Variants in NOTCH1 observed in about 807,000 individuals in gnomAD.
The protein encoded by NOTCH1 is notch receptor 1, also known as neurogenic locus notch homolog protein 1.
Under a neutral mutation model 254.8 loss-of-function variants are expected in NOTCH1, and 37 were observed. That is an observed-to-expected ratio of 0.15 (90% CI 0.11 to 0.19). NOTCH1 has a LOEUF of 0.19. NOTCH1 is among the 10% of genes least tolerant of loss of function. The pLI is 1.00. For synonymous variants in NOTCH1, 1,731 were observed against 1,618.1 expected (o/e 1.07, Z -1.68); for missense variants, 2,972 against 3,708.6 (o/e 0.80, Z 5.16).
At position 136,544,062 on chromosome 9, in the gene NOTCH1, G is replaced by C. The variant is rs777575093; in HGVS notation, c.102C>G (p.Gly34=). The C allele has an allele frequency of 1.3e-6, 2 of 1,581,172 alleles. No homozygotes were observed. Among genetic ancestry groups the C allele is most frequent in the African/African-American group, 1.3e-5 (1 of 74,268 alleles). ...CSQPGETCLN[G]GKCEAANGTE... is the part of the protein sequence containing the mutation. The stretch of plus-strand genomic sequence containing the variant: ...TGCCATTGGCCGCTTCACACTTCCC[G>C]CCATTCAGGCAGGTCTCACCGGGCT... The change falls in exon 2 of 34, where the codon GGC becomes GGG. Residue 34 remains glycine (G), a synonymous_variant. Transcript: ENST00000651671.
chr9:136,501,807 G>A lies in NOTCH1; in HGVS notation c.5579C>T (p.Pro1860Leu), dbSNP rs1179938217. The change falls in exon 30 of 34, where the codon CCC (proline) becomes CTC (leucine). Residue 1860 changes from proline (P) to leucine (L), a missense_variant. Pro to Leu is a moderately conservative substitution (Grantham distance 98). Around this residue, in one of 8 missense-constraint regions of NOTCH1, gnomAD observed 421 missense variants for 604.4 expected, o/e 0.70. Coordinates refer to ENST00000651671, the MANE Select transcript of NOTCH1 (RefSeq NM_017617.5). ...GTCAACCTCACCCTGGGGCGGTGTG[G>A]GGGCCATGGCAGACATGCGCAGGTC... ...AADLRMSAMA[P>L]TPPQGEVDAD... The A allele has an allele frequency of 1.2e-6, 2 of 1,612,670 alleles. No individual in the cohort carries two copies. Among genetic ancestry groups the A allele is most frequent in the African/African-American group, 2.7e-5 (2 of 74,938 alleles).
intron 9 of NOTCH1, among the ~76,000 whole-genome samples, chr9:136,516,544 C>A (rs1319186091): frequency 6.6e-6 from 1 of 152,250 alleles, no homozygotes; most frequent in Non-Finnish European, 1.5e-5. Flanking sequence ...GCCATCATCT[C>A]CATTGCAGGC....
chr9:136,509,425 G>A lies in NOTCH1; in HGVS notation c.2969+308C>T, dbSNP rs74500209. Among the ~76,000 whole-genome samples the A allele has an allele frequency of 0.015, 2,232 of 152,328 alleles. 40 individuals are homozygous for A. Among genetic ancestry groups the A allele is most frequent in the Middle Eastern group, 0.054 (16 of 294 alleles). On this transcript the variant is annotated intron_variant, in intron 18 of 33. Transcript: ENST00000651671. ...GGGACGAGACTGACGTTTACCAAAT[G>A]AGCTTCCTGGCAAACACGGCAAAAA...
At chr9:136,512,385 G>A (rs982758214) in intron 15 of NOTCH1, among the ~76,000 whole-genome samples, 1 of 152,216 alleles carries the variant, frequency 6.6e-6, no homozygotes, top group African/African-American at 2.4e-5. Context: ...CTCCTGGGGA[G>A]CGCCAGGACC....
chr9:136,513,348 C>T lies in NOTCH1; in HGVS notation c.2353+44G>A. 6.2e-7 allele frequency: 1 copy of T among 1,611,626 alleles called. No individual in the cohort carries two copies. The highest frequency in any genetic ancestry group is 8.5e-7 in the Non-Finnish European group (1 of 1,179,834). ...GATCCTGTGTCTCCAGCTCCCCAGACTCGAGGGCGGCCCTCTGCACTGAGA... is the reference window on the plus strand; with the variant it reads ...GATCCTGTGTCTCCAGCTCCCCAGATTCGAGGGCGGCCCTCTGCACTGAGA... On this transcript the variant is annotated intron_variant, in intron 14 of 33. Coordinates refer to ENST00000651671, the MANE Select transcript of NOTCH1 (RefSeq NM_017617.5). This position sits in a 1 kb window ranked among gnomAD's most constrained non-coding sequence, Gnocchi z 4.7.
Position 136,501,865 on chromosome 9 carries a change from G to A in NOTCH1, c.5521C>T (p.Arg1841Trp), listed in dbSNP as rs2133329067. ...TCCAGGTGCTGCTGAGTCCACTGCC[G>A]GTGGTCTGTCTGGTCGTCCAGGTCA... ...LPDLDDQTDH[R>W]QWTQQHLDAA... Residue 1841 changes from arginine to tryptophan, a missense_variant, in exon 30 of 34, where the codon CGG becomes TGG. This residue lies in a region of NOTCH1 where 421 missense variants were observed against 604.4 expected (regional missense o/e 0.70). Transcript: ENST00000651671. The A allele has an allele frequency of 1.9e-6, 3 of 1,612,506 alleles. No homozygotes were observed. The highest frequency in any genetic ancestry group is 2.5e-6 in the Non-Finnish European group (3 of 1,179,972).
In NOTCH1 at chr9:136,508,934, C is replaced by T; in HGVS notation, c.3107G>A (p.Cys1036Tyr). The T allele has an allele frequency of 6.5e-7, 1 of 1,550,000 alleles. No individual in the cohort carries two copies. The highest frequency in any genetic ancestry group is 8.7e-7 in the Non-Finnish European group (1 of 1,147,464). The part of the protein sequence containing the change: ...DSQPCLHGGT[C>Y]QDGCGSYRCT... ...CCTGTAGGAGCCGCAGCCGTCCTGA[C>T]AGGTGCCGCCATGCAGGCAGGGCTG... Residue 1036 changes from cysteine (C) to tyrosine (Y), a missense_variant, in exon 19 of 34, where the codon TGT (cysteine) becomes TAT (tyrosine). Physicochemically the swap from Cys to Tyr is radical, Grantham distance 194. Transcript: ENST00000651671.
In NOTCH1 at chr9:136,495,547, G is replaced by C. The variant is rs1276010331; in HGVS notation, c.*524C>G. 5.0e-6 allele frequency: 2 copies of C among 399,796 alleles called. No homozygotes were observed. The highest frequency in any genetic ancestry group is 8.8e-6 in the Non-Finnish European group (2 of 226,892). 24.8% of individuals were successfully genotyped at this position (399,796 alleles called of 1,614,324 possible). On this transcript the variant is annotated 3_prime_UTR_variant, in exon 34 of 34. Transcript: ENST00000651671. ...TTGCCTCCGTTTGCCTCTGGATGCA[G>C]CTTCTCCTAACAGGCAGGTGATGCT...
chr9:136,534,138 A>C (rs1589078831), intron 2 of NOTCH1, among the ~76,000 whole-genome samples: 2 of 151,740 alleles, frequency 1.3e-5, no homozygotes, highest in Admixed American at 1.3e-4. Context: ...CACTTCTCAA[A>C]CCCGGTGCAT....
At chr9:136,534,276 C>T (rs904208226) in intron 2 of NOTCH1, among the ~76,000 whole-genome samples, 1 of 152,204 alleles carries the variant, frequency 6.6e-6, no homozygotes, top group South Asian at 2.1e-4. Flanking sequence ...AGCAAATTGA[C>T]AGTGTCAACA....
rs1295008635 is a variant in NOTCH1, at chr9:136,540,818, C to T, written c.140+3206G>A. ...TTCTCCCAGCTCCTGGAAGACGCCCCGTGCCATTCTGACTCTGCCGTCAGC... is the reference window on the plus strand; with the variant it reads ...TTCTCCCAGCTCCTGGAAGACGCCCTGTGCCATTCTGACTCTGCCGTCAGC... On this transcript the variant is annotated intron_variant, in intron 2 of 33. Coordinates refer to ENST00000651671, the MANE Select transcript of NOTCH1 (RefSeq NM_017617.5). The surrounding 1 kb of genome is among the most constrained non-coding windows in gnomAD (Gnocchi z 4.4). Among the ~76,000 whole-genome samples, 1 of 152,136 alleles carries T rather than the reference C, an allele frequency of 6.6e-6. No homozygotes were observed. Among genetic ancestry groups the T allele is most frequent in the African/African-American group, 2.4e-5 (1 of 41,416 alleles).
At chr9:136,519,660 C>T (rs1481649642) in intron 4 of NOTCH1, 95 bp from the exon 5 acceptor site, 1 of 1,590,914 alleles carries the variant, frequency 6.3e-7, no homozygotes, top group Non-Finnish European at 8.6e-7. Flanking sequence ...AAGAGCCTGG[C>T]CTCCACGGCC....
Position 136,504,864 on chromosome 9 carries a change from G to A in NOTCH1, c.4827C>T (p.Asp1609=), listed in dbSNP as rs113634293. 791 of 1,583,036 alleles carry A rather than the reference G, an allele frequency of 5.0e-4. 5 individuals carry two copies. The African/African-American group carries it at 9.0e-3, about 18-fold the overall frequency. The change falls in exon 26 of 34, where the codon GAC becomes GAT. Residue 1609 remains aspartate, a synonymous_variant. Coordinates refer to ENST00000651671, the MANE Select transcript of NOTCH1 (RefSeq NM_017617.5). ...GGAAGATCATCTGCTGGCCGTGTGC[G>A]TCACGCTTGAAGACCACGTTGGTGT... ...VLHTNVVFKR[D]AHGQQMIFPY... is the part of the protein sequence containing the mutation.
chr9:136,534,304 T>C (rs570569224), intron 2 of NOTCH1, among the ~76,000 whole-genome samples: 2 of 152,264 alleles, frequency 1.3e-5, no homozygotes, highest in South Asian at 4.1e-4. Flanking sequence ...AAGGGGGCAT[T>C]TACCCAGCTT....
Position 136,496,936 on chromosome 9 carries a change from G to A in NOTCH1, c.6803C>T (p.Thr2268Ile). 6.2e-7 allele frequency: 1 copy of A among 1,612,104 alleles called. No individual in the cohort carries two copies. Among genetic ancestry groups the A allele is most frequent in the African/African-American group, 1.3e-5 (1 of 75,048 alleles). Residue 2268 changes from threonine to isoleucine, a missense_variant, in exon 34 of 34, where the codon ACT becomes ATT. By Grantham distance (89) the Thr-to-Ile change is moderately conservative. Transcript: ENST00000651671. Reference sequence around the variant, plus strand: ...CAGGTGGGAGAGACGAGGTGGGCCAGTCTCAAAGGCCAGCCGGCCGCCCCC... The same window carrying A: ...CAGGTGGGAGAGACGAGGTGGGCCAATCTCAAAGGCCAGCCGGCCGCCCCC... ...LGGGGRLAFE[T>I]GPPRLSHLPV...
chr9:136,519,642 C>A (rs373596218), intron 4 of NOTCH1, 77 bp from the exon 5 acceptor site: 22 of 1,607,134 alleles, frequency 1.4e-5, no homozygotes, highest in East Asian at 8.9e-5. Context: ...ACACACTGCT[C>A]TGGACACAAG....
intron 2 of NOTCH1, 47 bp downstream of exon 2, chr9:136,543,977 G>A: frequency 6.6e-7 from 1 of 1,508,030 alleles, no homozygotes; most frequent in Non-Finnish European, 9.0e-7. Flanking sequence ...AGAAGGCAGG[G>A]GCTCTGCCCT....
rs2133354432 is a variant in NOTCH1, at chr9:136,511,161, C to T, written c.2578G>A (p.Gly860Ser). The T allele has an allele frequency of 6.2e-7, 1 of 1,612,946 alleles. No individual in the cohort carries two copies. Among genetic ancestry groups the T allele is most frequent in the South Asian group, 1.1e-5 (1 of 91,088 alleles). ...CCCTGGCCAGCCTCACCTTGCCAGCCCGTGGGGCAGACACAGGAGAAGCTC... is the reference window on the plus strand; with the variant it reads ...CCCTGGCCAGCCTCACCTTGCCAGCTCGTGGGGCAGACACAGGAGAAGCTC... ...YESFSCVCPT[G>S]WQGQTCEVDI... is the part of the protein sequence containing the mutation. The change falls in exon 16 of 34, where the codon GGC becomes AGC. Residue 860 changes from glycine to serine, a missense_variant. Physicochemically the swap from Gly to Ser is moderately conservative, Grantham distance 56. Transcript: ENST00000651671.
In NOTCH1 at chr9:136,545,861, G is replaced by C; in HGVS notation, c.-75C>G. 1.3e-6 allele frequency: 1 copy of C among 768,926 alleles called. No homozygotes were observed. Among genetic ancestry groups the C allele is most frequent in the Non-Finnish European group, 1.7e-6 (1 of 591,850 alleles). 47.6% of individuals were successfully genotyped at this position (768,926 alleles called of 1,614,324 possible). A position where few individuals can be genotyped will look rare whatever the true frequency, so the allele number is the denominator to read the frequency against. On this transcript the variant is annotated 5_prime_UTR_variant, in exon 1 of 34. Coordinates refer to ENST00000651671, the MANE Select transcript of NOTCH1 (RefSeq NM_017617.5). This position sits in a 1 kb window ranked among gnomAD's most constrained non-coding sequence, Gnocchi z 6.8. ...GCCGGCGGGGCTGGGACGCACACGC[G>C]CGGCGTACGGTCCCGGGGCGGCGGC...
Sources: gnomAD v4.1 joint callset for allele counts (sites outside exome capture counted in the v4.1 genomes callset) on GRCh38, gnomAD v4.1.1 for gene constraint, gnomAD v4.1.1 regional missense constraint, Gnocchi (gnomAD v3.1) non-coding constraint, MANE v1.5 for transcripts, NCBI Gene and HGNC (gene_info 2026-07-23, HGNC 2026-07-21) for gene names.